RIMS2: variants seen among roughly 807,000 people sequenced by gnomAD.
RIMS2 encodes the protein regulating synaptic membrane exocytosis 2.
RIMS2 carries 59 observed loss-of-function variants against 174.4 expected under a neutral mutation model. The observed-to-expected ratio is 0.34, with a 90% CI of 0.27 to 0.42. The LOEUF is 0.42. Among genes scored for constraint, RIMS2 ranks in the 10% least tolerant of loss-of-function variants. RIMS2 has a pLI of 1.00. For missense variants in RIMS2, 1,620 were observed against 1,666.3 expected (o/e 0.97, Z 0.48); for synonymous variants, 606 against 572.5 (o/e 1.06, Z -0.84).
At chr8:104,066,171 A>G (rs1257035786) in intron 19 of RIMS2, among the ~76,000 whole-genome samples, 1 of 152,144 alleles carries the variant, frequency 6.6e-6, no homozygotes, top group African/African-American at 2.4e-5. Context: ...GCAGAGTAAC[A>G]GTTTCCATAT....
chr8:103,845,616 A>G (rs889041519), intron 3 of RIMS2, among the ~76,000 whole-genome samples: 1 of 152,084 alleles, frequency 6.6e-6, no homozygotes, highest in Non-Finnish European at 1.5e-5. Context: ...AGGTGCTCTT[A>G]CTTAAAATTA....
intron 6 of RIMS2, among the ~76,000 whole-genome samples, chr8:103,913,942 A>C (rs934775478): frequency 3.3e-5 from 5 of 152,162 alleles, no homozygotes; most frequent in African/African-American, 1.2e-4. Flanking sequence ...CATCCAAACT[A>C]TATCAGACTA....
In RIMS2 at chr8:104,229,484, A is replaced by C. The variant is rs573728214; in HGVS notation, c.3335-15432A>C. Among the ~76,000 whole-genome samples, 68 of 152,314 alleles carry C rather than the reference A, an allele frequency of 4.5e-4. 1 individual carries two copies. The highest frequency in any genetic ancestry group is 8.1e-4 in the Non-Finnish European group (55 of 68,026). Reference sequence around the variant, plus strand: ...TTTATTGTAATGTAAATCATGCTTTATGCAAAGATAATGTACCAAACCCAT... The same window carrying C: ...TTTATTGTAATGTAAATCATGCTTTCTGCAAAGATAATGTACCAAACCCAT... On this transcript the variant is annotated intron_variant, in intron 19 of 23. Transcript: ENST00000504942.
intron 3 of RIMS2, among the ~76,000 whole-genome samples, chr8:103,878,880 T>G (rs555736528): frequency 6.7e-6 from 1 of 149,194 alleles, no homozygotes; most frequent in African/African-American, 2.4e-5. Context: ...ATTTAGCATC[T>G]GATTCACAGA....
chr8:103,945,961 G>T (rs2083645089), intron 14 of RIMS2, among the ~76,000 whole-genome samples: 1 of 152,092 alleles, frequency 6.6e-6, no homozygotes, highest in Non-Finnish European at 1.5e-5. Flanking sequence ...ATTCAGCAGT[G>T]CACTAGAGAT....
intron 16 of RIMS2, among the ~76,000 whole-genome samples, chr8:103,982,960 T>C (rs1224960542): frequency 3.3e-5 from 5 of 152,194 alleles, no homozygotes; most frequent in Non-Finnish European, 5.9e-5. Flanking sequence ...GAAGTCAAGT[T>C]ATCCTTGCTT....
In RIMS2 at chr8:103,891,513, T is replaced by C. The variant is rs566254119; in HGVS notation, c.1624+5290T>C. Reference sequence around the variant, plus strand: ...ATTAAATAGCCATGTTGTCAACCATTTGCCCAACTGCACAAAAGATGCCCC... The same window carrying C: ...ATTAAATAGCCATGTTGTCAACCATCTGCCCAACTGCACAAAAGATGCCCC... On this transcript the variant is annotated intron_variant, in intron 4 of 23. Transcript: ENST00000504942. Among the ~76,000 whole-genome samples the C allele has an allele frequency of 8.5e-5, 13 of 152,226 alleles. 1 individual carries two copies. The South Asian group carries it at 2.7e-3, about 32-fold the overall frequency.
At chr8:103,759,475 G>T (rs1359698790) in intron 2 of RIMS2, among the ~76,000 whole-genome samples, 1 of 147,076 alleles carries the variant, frequency 6.8e-6, no homozygotes, top group East Asian at 2.1e-4. Flanking sequence ...TGAGGCAGGA[G>T]AATGGCGTGA....
chr8:103,777,218 A>T (rs1358706257), intron 3 of RIMS2, among the ~76,000 whole-genome samples: 1 of 152,046 alleles, frequency 6.6e-6, no homozygotes, highest in African/African-American at 2.4e-5. Flanking sequence ...TTAAGAAAAA[A>T]GGAGAAAGAA....
At chr8:103,746,205 AT>A (rs1448816844) in intron 2 of RIMS2, among the ~76,000 whole-genome samples, 2 of 152,208 alleles carry the variant, frequency 1.3e-5, no homozygotes, top group Non-Finnish European at 2.9e-5. Flanking sequence ...TGAAAAGACT[AT>A]TCCAATTGAA....
At chr8:104,170,580 C>G (rs970881727) in intron 19 of RIMS2, among the ~76,000 whole-genome samples, 3 of 151,996 alleles carry the variant, frequency 2.0e-5, no homozygotes, top group African/African-American at 7.2e-5. Flanking sequence ...TTAAAGATAG[C>G]AAGTATTTGG....
chr8:103,822,548 T>C (rs1316322518), intron 3 of RIMS2, among the ~76,000 whole-genome samples: 1 of 151,860 alleles, frequency 6.6e-6, no homozygotes, highest in Non-Finnish European at 1.5e-5. Context: ...AACTTTTTGT[T>C]GGAAACCATA....
At chr8:104,197,254 C>A (rs567364770) in intron 19 of RIMS2, among the ~76,000 whole-genome samples, 1 of 150,928 alleles carries the variant, frequency 6.6e-6, no homozygotes, top group East Asian at 1.9e-4. Flanking sequence ...TGGCTCACTG[C>A]AACCTCCATT....
At chr8:103,542,944 C>A (rs1843198242) in intron 1 of RIMS2, among the ~76,000 whole-genome samples, 1 of 152,118 alleles carries the variant, frequency 6.6e-6, no homozygotes, top group South Asian at 2.1e-4. Context: ...TGAAAACTTT[C>A]CTGTAAGATC....
intron 2 of RIMS2, among the ~76,000 whole-genome samples, chr8:103,756,355 C>T (rs1266151055): frequency 6.7e-6 from 1 of 149,748 alleles, no homozygotes; most frequent in Non-Finnish European, 1.5e-5. Flanking sequence ...TGGAATGGAT[C>T]CTTGGGAGAG....
intron 19 of RIMS2, among the ~76,000 whole-genome samples, chr8:104,091,785 AAT>A (rs2097663609): frequency 6.6e-6 from 1 of 151,576 alleles, no homozygotes; most frequent in Admixed American, 6.6e-5. Context: ...TTATTTGAAA[AAT>A]AATATTATGA....
intron 1 of RIMS2, among the ~76,000 whole-genome samples, chr8:103,682,822 A>G (rs1017997584): frequency 4.9e-4 from 74 of 152,170 alleles, no homozygotes; most frequent in African/African-American, 1.7e-3. Flanking sequence ...TCTGGCTTGT[A>G]GCTTCTGTAT....
chr8:103,858,256 T>C (rs894675727), intron 3 of RIMS2, among the ~76,000 whole-genome samples: 2 of 152,198 alleles, frequency 1.3e-5, no homozygotes, highest in African/African-American at 4.8e-5. Flanking sequence ...AATACGTTTT[T>C]GGACACAGTG....
At chr8:103,741,746 G>A (rs1280510633) in intron 2 of RIMS2, among the ~76,000 whole-genome samples, 2 of 152,068 alleles carry the variant, frequency 1.3e-5, no homozygotes, top group Admixed American at 6.6e-5. Context: ...CTTTTCACAT[G>A]CTTTAAGTTA....
Sources: allele counts gnomAD v4.1 joint callset (sites outside exome capture counted in the v4.1 genomes callset), GRCh38; gene constraint gnomAD v4.1.1; transcripts MANE v1.5; gene names NCBI Gene and HGNC (gene_info 2026-07-23, HGNC 2026-07-21).